The following RUNDC3B variants were observed in gnomAD, a reference collection of about 807,000 sequenced individuals.
The protein encoded by RUNDC3B is RUN domain-containing protein 3B.
A neutral mutation model predicts 58.4 loss-of-function variants in RUNDC3B; 33 were observed. That is an observed-to-expected ratio of 0.56 (90% CI 0.43 to 0.75). The LOEUF (loss-of-function observed/expected upper bound fraction) is 0.75, where lower values mean the gene tolerates loss of function less well. RUNDC3B is among the 30% of genes least tolerant of loss of function. The pLI is 0.00. For synonymous variants in RUNDC3B, 193 were observed against 195.2 expected (o/e 0.99, Z 0.10); for missense variants, 501 against 535.7 (o/e 0.94, Z 0.64).
At chr7:87,656,928 G>A (rs1824163085) in intron 2 of RUNDC3B, among the ~76,000 whole-genome samples, 1 of 152,020 alleles carries the variant, frequency 6.6e-6, no homozygotes, top group Non-Finnish European at 1.5e-5. Context: ...ACTGTTGTAA[G>A]TGCTGGGCAT....
At chr7:87,814,386 C>G (rs1836912329) in intron 9 of RUNDC3B, among the ~76,000 whole-genome samples, 2 of 152,170 alleles carry the variant, frequency 1.3e-5, no homozygotes, top group East Asian at 3.9e-4. Context: ...AGGCACGAGC[C>G]ACCACGCCCG....
At chr7:87,687,027 C>G (rs926329288) in intron 2 of RUNDC3B, among the ~76,000 whole-genome samples, 1 of 151,494 alleles carries the variant, frequency 6.6e-6, no homozygotes, top group African/African-American at 2.4e-5. Context: ...AAATGTAGCA[C>G]TTATTAAAGA....
At chr7:87,791,592 T>A (rs978971186) in intron 8 of RUNDC3B, among the ~76,000 whole-genome samples, 1 of 151,880 alleles carries the variant, frequency 6.6e-6, no homozygotes, top group African/African-American at 2.4e-5. Context: ...AAGTGTAGAG[T>A]GTTTATTAGT....
intron 2 of RUNDC3B, among the ~76,000 whole-genome samples, chr7:87,671,123 G>C (rs1381475646): frequency 6.6e-6 from 1 of 152,086 alleles, no homozygotes; most frequent in Admixed American, 6.5e-5. Context: ...AGGATGGAGG[G>C]TCTGTACTGT....
intron 9 of RUNDC3B, among the ~76,000 whole-genome samples, chr7:87,813,060 T>C (rs941063984): frequency 1.8e-4 from 27 of 152,254 alleles, no homozygotes; most frequent in Non-Finnish European, 2.9e-4. Flanking sequence ...AAAGAAGATA[T>C]TGTAAGGTAC....
intron 4 of RUNDC3B, among the ~76,000 whole-genome samples, chr7:87,715,301 TTATA>T (rs1043413858): frequency 7.5e-6 from 1 of 132,564 alleles, no homozygotes; most frequent in African/African-American, 2.9e-5. Flanking sequence ...TTTATAATAA[TTATA>T]TATAATTAAT....
chr7:87,807,091 G>A (rs1056069978), intron 8 of RUNDC3B, among the ~76,000 whole-genome samples: 1 of 152,028 alleles, frequency 6.6e-6, no homozygotes, highest in African/African-American at 2.4e-5. Context: ...GATATAAAAT[G>A]CTACTTGGGT....
intron 7 of RUNDC3B, among the ~76,000 whole-genome samples, chr7:87,771,010 A>G (rs1834247471): frequency 6.6e-6 from 1 of 152,190 alleles, no homozygotes; most frequent in Admixed American, 6.5e-5. Context: ...TTGAGATTTT[A>G]GTTTCTATGA....
At chr7:87,655,596 G>A (rs1287282645) in intron 2 of RUNDC3B, among the ~76,000 whole-genome samples, 2 of 152,028 alleles carry the variant, frequency 1.3e-5, no homozygotes, top group Admixed American at 1.3e-4. Context: ...GTTGGTTAAA[G>A]GATATAAAAA....
intron 2 of RUNDC3B, among the ~76,000 whole-genome samples, chr7:87,656,274 TA>T (rs1361425870): frequency 1.3e-5 from 2 of 151,924 alleles, no homozygotes; most frequent in African/African-American, 4.8e-5. Flanking sequence ...AAATAATTTT[TA>T]AAAAGAAAAA....
At chr7:87,799,202 C>T (rs1563217324) in intron 8 of RUNDC3B, among the ~76,000 whole-genome samples, 3 of 152,094 alleles carry the variant, frequency 2.0e-5, no homozygotes, top group African/African-American at 2.4e-5. Flanking sequence ...CAGTTCTAGG[C>T]GCTGGTGATT....
chr7:87,631,520 A>G (rs1360873272), intron 1 of RUNDC3B, among the ~76,000 whole-genome samples: 2 of 152,206 alleles, frequency 1.3e-5, no homozygotes, highest in African/African-American at 4.8e-5. Flanking sequence ...CCTCCTGAGT[A>G]GCTGGGACTA....
intron 8 of RUNDC3B, among the ~76,000 whole-genome samples, chr7:87,806,491 G>C (rs1344351018): frequency 2.0e-5 from 3 of 152,144 alleles, no homozygotes; most frequent in Admixed American, 6.5e-5. Context: ...GAGGATGCAG[G>C]TTACCTAAAT....
At chr7:87,821,957 A>G (rs1433211358) in intron 10 of RUNDC3B, among the ~76,000 whole-genome samples, 5 of 151,076 alleles carry the variant, frequency 3.3e-5, no homozygotes, top group Admixed American at 1.3e-4. Flanking sequence ...AACCTAGGCA[A>G]TACCATTCAG....
At chr7:87,777,683 G>T (rs1584183127) in intron 7 of RUNDC3B, 115 bp from the exon 8 acceptor site, 1 of 750,436 alleles carries the variant, frequency 1.3e-6, no homozygotes, top group East Asian at 3.0e-5. Flanking sequence ...GTAATGCTTT[G>T]AAATTGTTTC....
chr7:87,661,133 A>G (rs1207111437), intron 2 of RUNDC3B, among the ~76,000 whole-genome samples: 1 of 151,944 alleles, frequency 6.6e-6, no homozygotes, highest in South Asian at 2.1e-4. Flanking sequence ...TTTTAATTTT[A>G]TGGGTACATA....
intron 4 of RUNDC3B, among the ~76,000 whole-genome samples, chr7:87,719,893 A>G (rs921982581): frequency 3.3e-5 from 5 of 151,456 alleles, no homozygotes; most frequent in African/African-American, 1.2e-4. Flanking sequence ...TAAAACAGAG[A>G]TGAATTTCTA....
chr7:87,823,053 A>AT (rs1001801199), intron 10 of RUNDC3B, among the ~76,000 whole-genome samples: 4 of 152,056 alleles, frequency 2.6e-5, no homozygotes, highest in African/African-American at 7.2e-5. Flanking sequence ...ATAAAATAAA[A>AT]TTAAAAAAAA....
At chr7:87,641,953 A>T (rs1057021868) in intron 1 of RUNDC3B, among the ~76,000 whole-genome samples, 1 of 152,152 alleles carries the variant, frequency 6.6e-6, no homozygotes, top group African/African-American at 2.4e-5. Context: ...ATTAATAACA[A>T]TTTAAAATTT....
Sources: allele counts gnomAD v4.1 joint callset (sites outside exome capture counted in the v4.1 genomes callset), GRCh38; gene constraint gnomAD v4.1.1; transcripts MANE v1.5; gene names NCBI Gene and HGNC (gene_info 2026-07-23, HGNC 2026-07-21).